Variants in HS2ST1 observed in about 807,000 individuals in gnomAD.
HS2ST1 encodes the protein heparan sulfate 2-O-sulfotransferase 1.
A neutral mutation model predicts 42.9 loss-of-function variants in HS2ST1; 18 were observed. That is an observed-to-expected ratio of 0.42 (90% confidence interval 0.29 to 0.62). The LOEUF (loss-of-function observed/expected upper bound fraction) is 0.62. Among genes scored for constraint, HS2ST1 ranks in the 20% least tolerant of loss-of-function variants. HS2ST1 has a pLI of 0.21. For synonymous variants in HS2ST1, 146 were observed against 152.9 expected (o/e 0.95, Z 0.33); for missense variants, 334 against 433.8 (o/e 0.77, Z 2.04).
chr1:86,924,272 T>C (rs905650158), intron 1 of HS2ST1, among the ~76,000 whole-genome samples: 3 of 152,232 alleles, frequency 2.0e-5, no homozygotes, highest in African/African-American at 7.2e-5. Flanking sequence ...TTGCATGATA[T>C]AGCCCCCCAC....
chr1:87,026,848 G>GAA (rs146361645), intron 1 of HS2ST1, among the ~76,000 whole-genome samples: 1 of 150,738 alleles, frequency 6.6e-6, no homozygotes, highest in Non-Finnish European at 1.5e-5. Context: ...TTGATGGGAA[G>GAA]AAAAAAAAAC....
chr1:87,070,298 A>G (rs1651370486), intron 1 of HS2ST1, among the ~76,000 whole-genome samples: 1 of 152,152 alleles, frequency 6.6e-6, no homozygotes, highest in Non-Finnish European at 1.5e-5. Flanking sequence ...TGTTGAATAT[A>G]ATAATGTTCA....
At chr1:87,016,112 G>T (rs1007036532) in intron 1 of HS2ST1, among the ~76,000 whole-genome samples, 1 of 152,190 alleles carries the variant, frequency 6.6e-6, no homozygotes, top group South Asian at 2.1e-4. Flanking sequence ...GCTGTGCCCG[G>T]CCTTAGCTCT....
intron 1 of HS2ST1, among the ~76,000 whole-genome samples, chr1:86,972,254 G>T (rs1423247670): frequency 6.6e-6 from 1 of 152,158 alleles, no homozygotes; most frequent in African/African-American, 2.4e-5. Context: ...GTCAACCTTG[G>T]TCTGAAAATT....
At chr1:86,981,617 A>C (rs1323282843) in intron 1 of HS2ST1, among the ~76,000 whole-genome samples, 1 of 152,224 alleles carries the variant, frequency 6.6e-6, no homozygotes, top group Admixed American at 6.5e-5. Flanking sequence ...TTAAATCTTA[A>C]AGCTCCAAAA....
chr1:86,926,838 C>T (rs574983534), intron 1 of HS2ST1, among the ~76,000 whole-genome samples: 1 of 152,322 alleles, frequency 6.6e-6, no homozygotes, highest in South Asian at 2.1e-4. Context: ...AAGTTGTTAA[C>T]TGAAAGTTAG....
intron 1 of HS2ST1, among the ~76,000 whole-genome samples, chr1:86,982,629 C>T (rs193173032): frequency 6.6e-6 from 1 of 152,240 alleles, no homozygotes; most frequent in African/African-American, 2.4e-5. Flanking sequence ...ATTCTCCTGC[C>T]TCAGCCTCCC....
chr1:86,931,671 A>G (rs548654533), intron 1 of HS2ST1, among the ~76,000 whole-genome samples: 8 of 152,230 alleles, frequency 5.3e-5, no homozygotes, highest in Non-Finnish European at 5.9e-5. Context: ...TTACTATGAT[A>G]CTAAAGGCTT....
At chr1:87,079,489 C>A (rs563460602) in intron 2 of HS2ST1, among the ~76,000 whole-genome samples, 62 of 152,214 alleles carry the variant, frequency 4.1e-4, no homozygotes, top group Admixed American at 2.4e-3. Context: ...ACCATGTTAG[C>A]CATACTGACA....
chr1:87,091,748 G>GT, intron 3 of HS2ST1, among the ~76,000 whole-genome samples: 1 of 152,178 alleles, frequency 6.6e-6, no homozygotes, highest in Admixed American at 6.5e-5. Flanking sequence ...CAAGATAGCT[G>GT]TAACATTTTA....
chr1:86,996,594 CAT>C (rs1257513538), intron 1 of HS2ST1, among the ~76,000 whole-genome samples: 2 of 152,096 alleles, frequency 1.3e-5, no homozygotes, highest in Admixed American at 1.3e-4. Context: ...ACAGATGAGA[CAT>C]ATTATCCTAG....
At chr1:87,032,503 C>T (rs1389950041) in intron 1 of HS2ST1, among the ~76,000 whole-genome samples, 1 of 152,082 alleles carries the variant, frequency 6.6e-6, no homozygotes, top group Non-Finnish European at 1.5e-5. Context: ...TGATTTCTCT[C>T]AATACGTTTG....
chr1:86,975,659 A>C (rs1648377107), intron 1 of HS2ST1, among the ~76,000 whole-genome samples: 1 of 152,140 alleles, frequency 6.6e-6, no homozygotes, highest in African/African-American at 2.4e-5. Flanking sequence ...GTTCAATTTA[A>C]ATCTGAGGTA....
chr1:86,921,030 T>C (rs956051868), intron 1 of HS2ST1, among the ~76,000 whole-genome samples: 1 of 152,210 alleles, frequency 6.6e-6, no homozygotes. Context: ...CCATCCATGA[T>C]ATATACATGT....
chr1:86,946,756 C>A (rs1267304653), intron 1 of HS2ST1, among the ~76,000 whole-genome samples: 1 of 152,154 alleles, frequency 6.6e-6, no homozygotes, highest in Non-Finnish European at 1.5e-5. Flanking sequence ...CTAATTAATG[C>A]ACATAGCATT....
chr1:86,950,979 TG>T (rs1647496696), intron 1 of HS2ST1, among the ~76,000 whole-genome samples: 1 of 152,178 alleles, frequency 6.6e-6, no homozygotes, highest in Admixed American at 6.5e-5. Context: ...GAAATTGATG[TG>T]GAGCTGAACC....
chr1:87,102,024 G>A (rs1652222296), intron 5 of HS2ST1, among the ~76,000 whole-genome samples: 2 of 152,132 alleles, frequency 1.3e-5, no homozygotes, highest in Admixed American at 6.5e-5. Flanking sequence ...GGGAGAAAGA[G>A]AGTGAAGGGG....
intron 1 of HS2ST1, among the ~76,000 whole-genome samples, chr1:87,048,444 G>A (rs571080817): frequency 6.6e-6 from 1 of 152,272 alleles, no homozygotes; most frequent in South Asian, 2.1e-4. Flanking sequence ...AAACTGATGA[G>A]GGTGGACATC....
At chr1:87,017,126 T>G (rs572368861) in intron 1 of HS2ST1, among the ~76,000 whole-genome samples, 1 of 152,102 alleles carries the variant, frequency 6.6e-6, no homozygotes, top group Non-Finnish European at 1.5e-5. Flanking sequence ...TGTAGCAGCC[T>G]TTCTCTCTCT....
Sources: allele counts gnomAD v4.1 joint callset (sites outside exome capture counted in the v4.1 genomes callset), GRCh38; gene constraint gnomAD v4.1.1; transcripts MANE v1.5; gene names NCBI Gene and HGNC (gene_info 2026-07-23, HGNC 2026-07-21).